The following CCDC7 variants were observed in gnomAD, a reference collection of about 807,000 sequenced individuals.
CCDC7 encodes coiled-coil domain containing 7, also known as coiled-coil domain-containing protein 7.
Under a neutral mutation model 196.9 loss-of-function variants are expected in CCDC7, and 183 were observed. The observed-to-expected ratio is 0.93, with a 90% CI of 0.82 to 1.05. The LOEUF is 1.05. Among genes scored for constraint, CCDC7 ranks in the 50% least tolerant of loss-of-function variants. CCDC7 has a pLI of 0.00. For missense variants in CCDC7, 1,540 were observed against 1,482.2 expected (o/e 1.04, Z -0.64); for synonymous variants, 525 against 484.6 (o/e 1.08, Z -1.10).
chr10:32,731,995 G>A (rs2084057359), intron 28 of CCDC7, among the ~76,000 whole-genome samples: 1 of 152,188 alleles, frequency 6.6e-6, no homozygotes, highest in Admixed American at 6.5e-5. Flanking sequence ...GCAGGTTGCA[G>A]TGAGCTGAAT....
At chr10:32,707,749 G>A (rs975593152) in intron 24 of CCDC7, among the ~76,000 whole-genome samples, 2 of 151,960 alleles carry the variant, frequency 1.3e-5, no homozygotes, top group Non-Finnish European at 2.9e-5. Context: ...AAACACCTGG[G>A]AATCCAACTT....
chr10:32,475,856 C>A (rs1302910312), intron 8 of CCDC7, among the ~76,000 whole-genome samples: 1 of 152,154 alleles, frequency 6.6e-6, no homozygotes, highest in African/African-American at 2.4e-5. Context: ...GCTTTCAGGT[C>A]ACAATTTCAT....
chr10:32,738,914 CA>C (rs2085347856), intron 28 of CCDC7, among the ~76,000 whole-genome samples: 1 of 149,874 alleles, frequency 6.7e-6, no homozygotes, highest in Non-Finnish European at 1.5e-5. Context: ...CAAATTATGT[CA>C]TTTTTTTTCT....
At chr10:32,819,173 A>G (rs989789432) in intron 31 of CCDC7, among the ~76,000 whole-genome samples, 5 of 152,232 alleles carry the variant, frequency 3.3e-5, no homozygotes, top group African/African-American at 1.2e-4. Context: ...ACCATCAGAG[A>G]ATACTATAAA....
intron 8 of CCDC7, 91 bp downstream of exon 9, chr10:32,474,114 A>T: frequency 7.6e-7 from 1 of 1,313,252 alleles, no homozygotes; most frequent in Non-Finnish European, 1.0e-6. Context: ...AACAGTGCAG[A>T]CTCCTTGCCT....
At chr10:32,496,133 G>C (rs1037166428) in intron 9 of CCDC7, among the ~76,000 whole-genome samples, 3 of 151,808 alleles carry the variant, frequency 2.0e-5, no homozygotes, top group African/African-American at 7.3e-5. Context: ...GTATTCCTAG[G>C]TATTTTATTC....
intron 33 of CCDC7, among the ~76,000 whole-genome samples, chr10:32,839,293 TTAAGG>T (rs1215798312): frequency 2.0e-5 from 3 of 151,674 alleles, no homozygotes. Flanking sequence ...TCACATAAAC[TTAAGG>T]TAAAGGTGTG....
chr10:32,849,115 T>G (rs12256556), intron 39 of CCDC7, among the ~76,000 whole-genome samples: 13,671 of 127,796 alleles, frequency 0.11, 713 homozygotes, highest in South Asian at 0.26. Context: ...CTGGGTTTTG[T>G]TTTTTTTTTT....
exon 11 of CCDC7, chr10:32,518,469 G>T: frequency 6.2e-7 from 1 of 1,607,124 alleles, no homozygotes; most frequent in Non-Finnish European, 8.5e-7. Context: ...AGAAGTTGGT[G>T]CTGGAAAATG....
chr10:32,459,807 C>T (rs1013281387), intron 3 of CCDC7, among the ~76,000 whole-genome samples: 3 of 151,876 alleles, frequency 2.0e-5, no homozygotes, highest in Non-Finnish European at 4.4e-5. Flanking sequence ...ATGAACAAGG[C>T]CAAAGGACCT....
intron 33 of CCDC7, among the ~76,000 whole-genome samples, chr10:32,836,445 G>C (rs892929784): frequency 2.6e-5 from 4 of 152,078 alleles, no homozygotes; most frequent in African/African-American, 9.7e-5. Flanking sequence ...CTAGATCCTT[G>C]AGGAATCACC....
intron 31 of CCDC7, among the ~76,000 whole-genome samples, chr10:32,820,188 A>C (rs1315918052): frequency 6.6e-6 from 1 of 152,184 alleles, no homozygotes; most frequent in African/African-American, 2.4e-5. Context: ...AGAAAGCCAA[A>C]TCATGAGTGA....
rs532919281 is a variant in CCDC7 at position 32,870,203 on chromosome 10, G to T, written c.4112-6144G>T. Among the ~76,000 whole-genome samples, 90 of 152,124 alleles carry T rather than the reference G, an allele frequency of 5.9e-4. 1 individual carries two copies. Among genetic ancestry groups the T allele is most frequent in the African/African-American group, 2.1e-3 (86 of 41,518 alleles). The stretch of plus-strand genomic sequence containing the variant: ...CCTTGGGCAGTATGGCCATTTTCAC[G>T]ATTCTATTGATTCTTCCTACCCATG... On this transcript the variant is annotated intron_variant, in intron 41 of 41. Coordinates refer to ENST00000639629, the Ensembl canonical transcript of CCDC7.
intron 24 of CCDC7, among the ~76,000 whole-genome samples, chr10:32,696,673 G>A (rs2077771744): frequency 6.6e-6 from 1 of 152,236 alleles, no homozygotes; most frequent in East Asian, 1.9e-4. Flanking sequence ...CTGGTGAAGA[G>A]CCCATTAATC....
chr10:32,755,503 C>A (rs2076280854), intron 28 of CCDC7, among the ~76,000 whole-genome samples: 1 of 152,058 alleles, frequency 6.6e-6, no homozygotes, highest in Admixed American at 6.6e-5. Flanking sequence ...TGCAGTGGAC[C>A]TCAAGCAAAC....
chr10:32,769,766 A>G (rs2078887667), intron 28 of CCDC7, among the ~76,000 whole-genome samples: 1 of 152,118 alleles, frequency 6.6e-6, no homozygotes, highest in Non-Finnish European at 1.5e-5. Context: ...TTTGCTGAGA[A>G]TGGTGGTTTC....
chr10:32,483,495 T>C (rs932427392), intron 8 of CCDC7, among the ~76,000 whole-genome samples: 7 of 152,252 alleles, frequency 4.6e-5, no homozygotes, highest in African/African-American at 1.7e-4. Flanking sequence ...AGCTCTGTAG[T>C]TTAATTCGAT....
intron 8 of CCDC7, among the ~76,000 whole-genome samples, chr10:32,475,523 A>T (rs1331629047): frequency 6.6e-6 from 1 of 152,252 alleles, no homozygotes; most frequent in Non-Finnish European, 1.5e-5. Context: ...AAAGGATAAA[A>T]TATAGTTGAG....
At chr10:32,668,354 C>A (rs1006812081) in intron 21 of CCDC7, among the ~76,000 whole-genome samples, 1 of 151,978 alleles carries the variant, frequency 6.6e-6, no homozygotes, top group African/African-American at 2.4e-5. Context: ...AATTGAATAC[C>A]CTTTATTTCT....
Sources: gnomAD v4.1 joint callset for allele counts (sites outside exome capture counted in the v4.1 genomes callset) on GRCh38, gnomAD v4.1.1 for gene constraint, MANE v1.5 for transcripts, NCBI Gene and HGNC (gene_info 2026-07-23, HGNC 2026-07-21) for gene names.